Variants in LOXHD1 observed in about 807,000 individuals in gnomAD.
LOXHD1 encodes the protein lipoxygenase homology PLAT domains 1.
Under a neutral mutation model 248.2 loss-of-function variants are expected in LOXHD1, and 205 were observed. That is an observed-to-expected ratio of 0.83 (90% confidence interval 0.74 to 0.93). The LOEUF is 0.93. Among genes scored for constraint, LOXHD1 ranks in the 40% least tolerant of loss-of-function variants. The pLI, the probability that LOXHD1 is intolerant of heterozygous loss-of-function variation, is 0.00. For missense variants in LOXHD1, 2,930 were observed against 2,971.6 expected, an observed-to-expected ratio of 0.99 and a Z score of 0.33; for synonymous variants, 1,113 against 1,162.8, an observed-to-expected ratio of 0.96 and a Z score of 0.87.
At chr18:46,644,488 CAGG>C (rs2039003063) in intron 2 of LOXHD1, among the ~76,000 whole-genome samples, 1 of 152,146 alleles carries the variant, frequency 6.6e-6, no homozygotes, top group Non-Finnish European at 1.5e-5. Flanking sequence ...GAGGCCAAGG[CAGG>C]AGAATCATTT....
At position 46,657,067 on chromosome 18, in the gene LOXHD1, T is replaced by C; in HGVS notation, c.-34A>G. On this transcript the variant is annotated 5_prime_UTR_variant, in exon 1 of 41. Transcript: ENST00000642948. ...CTGCCTTCTCCCAGCGCTCGCAGGC[T>C]CACTGTGCCGCCTCCTCACACCTGC... The C allele has an allele frequency of 6.4e-7, 1 of 1,551,432 alleles. No homozygotes were observed. The highest frequency in any genetic ancestry group is 2.4e-5 in the East Asian group (1 of 40,910).
chr18:46,520,050 T>A (rs1433214510), intron 33 of LOXHD1, among the ~76,000 whole-genome samples: 1 of 152,082 alleles, frequency 6.6e-6, no homozygotes, highest in Non-Finnish European at 1.5e-5. Context: ...GGGAAGTGGG[T>A]CAGGCGGAGG....
chr18:46,625,502 A>G (rs1188775770), intron 4 of LOXHD1, among the ~76,000 whole-genome samples: 1 of 152,108 alleles, frequency 6.6e-6, no homozygotes. Flanking sequence ...AGCTAAAAAA[A>G]AAAAAAAATT....
At chr18:46,619,109 A>G (rs1305784970) in intron 4 of LOXHD1, among the ~76,000 whole-genome samples, 1 of 152,200 alleles carries the variant, frequency 6.6e-6, no homozygotes, top group Non-Finnish European at 1.5e-5. Flanking sequence ...GGTCAAGGGA[A>G]GGGGAATCCT....
intron 38 of LOXHD1, among the ~76,000 whole-genome samples, chr18:46,485,834 C>A (rs1376466130): frequency 6.6e-6 from 1 of 152,092 alleles, no homozygotes; most frequent in Non-Finnish European, 1.5e-5. Context: ...CATTTCCTCT[C>A]CCACCTTGTG....
chr18:46,587,727 C>T (rs947657489), intron 12 of LOXHD1, among the ~76,000 whole-genome samples: 3 of 152,166 alleles, frequency 2.0e-5, no homozygotes, highest in African/African-American at 2.4e-5. Context: ...GGCCTCTTGC[C>T]CACTCATCAG....
chr18:46,539,442 C>A (rs2036462076), intron 25 of LOXHD1, among the ~76,000 whole-genome samples: 1 of 149,296 alleles, frequency 6.7e-6, no homozygotes, highest in Admixed American at 6.8e-5. Flanking sequence ...GCCTGGGTAA[C>A]AGAGTGAGAC....
At chr18:46,498,843 A>G (rs781595800) in intron 37 of LOXHD1, among the ~76,000 whole-genome samples, 3 of 152,196 alleles carry the variant, frequency 2.0e-5, no homozygotes, top group Non-Finnish European at 4.4e-5. Context: ...TGGGTGGGGA[A>G]CACTATTTCA....
chr18:46,519,771 A>G (rs943530401), intron 33 of LOXHD1, among the ~76,000 whole-genome samples: 11 of 152,210 alleles, frequency 7.2e-5, no homozygotes, highest in Admixed American at 1.3e-4. Context: ...TTACACAGAT[A>G]CATCTCTTTT....
intron 21 of LOXHD1, among the ~76,000 whole-genome samples, chr18:46,554,432 G>A (rs2143931730): frequency 1.3e-5 from 2 of 152,320 alleles, no homozygotes; most frequent in Middle Eastern, 3.4e-3. Context: ...GACAGAAAAG[G>A]TGGTATCTCT....
intron 37 of LOXHD1, among the ~76,000 whole-genome samples, chr18:46,501,592 T>C (rs368093420): frequency 4.6e-5 from 7 of 152,314 alleles, no homozygotes; most frequent in African/African-American, 1.7e-4. Context: ...CTAAGTAAGA[T>C]GTCTTTAAAC....
At chr18:46,647,075 A>G (rs1355717153) in intron 2 of LOXHD1, among the ~76,000 whole-genome samples, 8 of 152,202 alleles carry the variant, frequency 5.3e-5, no homozygotes, top group African/African-American at 1.9e-4. Flanking sequence ...AACCTGGAAC[A>G]TGGTCCATAT....
intron 33 of LOXHD1, among the ~76,000 whole-genome samples, chr18:46,519,384 G>T (rs899587493): frequency 2.0e-5 from 3 of 152,224 alleles, no homozygotes; most frequent in Non-Finnish European, 2.9e-5. Flanking sequence ...CAGCGGTCAT[G>T]TTCCCATCAT....
At chr18:46,560,691 T>G in intron 18 of LOXHD1, 146 bp from the exon 19 acceptor site, 1 of 727,276 alleles carries the variant, frequency 1.4e-6, no homozygotes. Context: ...CTCAGATCCT[T>G]CCACCACCTC....
intron 34 of LOXHD1, among the ~76,000 whole-genome samples, chr18:46,511,828 G>C (rs1158338986): frequency 1.3e-5 from 2 of 152,200 alleles, no homozygotes; most frequent in Admixed American, 1.3e-4. Flanking sequence ...CAGGGTCAGA[G>C]TGCCAGTTTT....
chr18:46,547,173 G>A (rs2036886008), intron 21 of LOXHD1, 115 bp from the exon 22 acceptor site: 9 of 1,176,770 alleles, frequency 7.6e-6, no homozygotes, highest in African/African-American at 1.5e-5. Flanking sequence ...TCCCCTGTCT[G>A]CCCCTGACAG....
In LOXHD1 at chr18:46,560,069, C is replaced by CCCCCCCCCAAAA; in HGVS notation, c.3061+13_3061+14insTTTTGGGGGGGG. 1 of 1,514,310 alleles carries CCCCCCCCCAAAA rather than the reference C, an allele frequency of 6.6e-7. No homozygotes were observed. The highest frequency in any genetic ancestry group is 8.9e-7 in the Non-Finnish European group (1 of 1,119,060). 93.8% of individuals were successfully genotyped at this position (1,514,310 alleles called of 1,614,324 possible). On this transcript the variant is annotated intron_variant, in intron 19 of 40. Transcript: ENST00000642948. ...CCACTCCCTCCCCACCCCCACCCCC[C>CCCCCCCCCAAAA]ACGACCCACTTACGCTCAGGACCCG...
At chr18:46,630,666 C>T (rs940709002) in intron 4 of LOXHD1, among the ~76,000 whole-genome samples, 1 of 152,182 alleles carries the variant, frequency 6.6e-6, no homozygotes, top group African/African-American at 2.4e-5. Flanking sequence ...GACTGAGTAG[C>T]CCTGCATTCT....
intron 37 of LOXHD1, among the ~76,000 whole-genome samples, chr18:46,505,256 A>C (rs564277585): frequency 7.9e-5 from 12 of 151,666 alleles, no homozygotes; most frequent in Middle Eastern, 3.4e-3. Context: ...ATCATAGCTC[A>C]CTGCAGCCAT....
Sources: gnomAD v4.1 joint callset for allele counts (sites outside exome capture counted in the v4.1 genomes callset) on GRCh38, gnomAD v4.1.1 for gene constraint, MANE v1.5 for transcripts, NCBI Gene and HGNC (gene_info 2026-07-23, HGNC 2026-07-21) for gene names.